IQCM: variants seen among roughly 807,000 people sequenced by gnomAD.
IQCM encodes IQ domain-containing protein M.
IQCM carries 45 observed loss-of-function variants against 57.6 expected under a neutral mutation model. That is an observed-to-expected ratio of 0.78 (90% CI 0.62 to 1.00). The LOEUF (loss-of-function observed/expected upper bound fraction) is 1.00, where lower values mean the gene tolerates loss of function less well. Ranked by LOEUF, IQCM falls within the 50% of genes least tolerant of loss-of-function variation. The probability of loss-of-function intolerance (pLI) is 0.00; values close to 1 mark genes in which losing one functional copy is unlikely to be tolerated. For missense variants in IQCM, 468 were observed against 511.6 expected (o/e 0.91, Z 0.82); for synonymous variants, 148 against 158.9 (o/e 0.93, Z 0.51).
intron 7 of IQCM, among the ~76,000 whole-genome samples, chr4:149,668,286 TA>T (rs1760920123): frequency 6.6e-6 from 1 of 152,052 alleles, no homozygotes; most frequent in South Asian, 2.1e-4. Flanking sequence ...CGTTCTTAAA[TA>T]AAATAATTTT....
At chr4:149,515,071 C>CGTGTGTGT (rs58534209) in intron 12 of IQCM, among the ~76,000 whole-genome samples, 53,681 of 142,620 alleles carry the variant, frequency 0.38, 10,167 homozygotes, top group Non-Finnish European at 0.41. Context: ...TATATATACA[C>CGTGTGTGT]GTGTGTGTGT....
intron 12 of IQCM, among the ~76,000 whole-genome samples, chr4:149,518,320 G>A (rs1298782276): frequency 6.6e-6 from 1 of 152,112 alleles, no homozygotes; most frequent in African/African-American, 2.4e-5. Flanking sequence ...TTACCCTAGT[G>A]CTTACTGGGT....
At chr4:149,471,703 A>G (rs1432603827) in intron 12 of IQCM, among the ~76,000 whole-genome samples, 1 of 152,204 alleles carries the variant, frequency 6.6e-6, no homozygotes, top group Admixed American at 6.5e-5. Flanking sequence ...CCTGATGAAC[A>G]TCAATGCAAA....
At chr4:149,467,320 G>A (rs550711684) in intron 12 of IQCM, among the ~76,000 whole-genome samples, 78 of 152,180 alleles carry the variant, frequency 5.1e-4, no homozygotes, top group Admixed American at 1.7e-3. Context: ...ATTAGAAGAG[G>A]GAGAAAAGGC....
At chr4:149,619,354 A>G (rs2150070144) in intron 8 of IQCM, among the ~76,000 whole-genome samples, 1 of 152,138 alleles carries the variant, frequency 6.6e-6, no homozygotes, top group East Asian at 1.9e-4. Context: ...GGGGTGAGGG[A>G]TGAAATGCTA....
At chr4:149,446,833 C>T (rs1736562623) in intron 12 of IQCM, among the ~76,000 whole-genome samples, 1 of 151,416 alleles carries the variant, frequency 6.6e-6, no homozygotes, top group Non-Finnish European at 1.5e-5. Context: ...CTGAAGATGG[C>T]TTATATTTTA....
At chr4:149,465,741 G>T (rs891058757) in intron 12 of IQCM, among the ~76,000 whole-genome samples, 6 of 148,172 alleles carry the variant, frequency 4.0e-5, no homozygotes, top group East Asian at 2.0e-4. Context: ...AAAAAAAAAA[G>T]TTTTTTTTTT....
At chr4:149,625,461 C>CA (rs975343268) in intron 7 of IQCM, among the ~76,000 whole-genome samples, 1 of 152,160 alleles carries the variant, frequency 6.6e-6, no homozygotes, top group African/African-American at 2.4e-5. Flanking sequence ...GCTTGTTTAT[C>CA]AAAGTTTTGT....
At chr4:149,593,983 G>A (rs1355033529) in intron 8 of IQCM, among the ~76,000 whole-genome samples, 1 of 152,136 alleles carries the variant, frequency 6.6e-6, no homozygotes, top group Admixed American at 6.5e-5. Flanking sequence ...AAATGAGTTA[G>A]GGAGGATTCC....
At chr4:149,746,477 A>G (rs573274721) in intron 2 of IQCM, among the ~76,000 whole-genome samples, 1 of 152,290 alleles carries the variant, frequency 6.6e-6, no homozygotes, top group East Asian at 1.9e-4. Flanking sequence ...TTCTCCACAC[A>G]GCAGGAGTGA....
intron 2 of IQCM, among the ~76,000 whole-genome samples, chr4:149,754,281 A>T (rs1023494684): frequency 1.3e-5 from 2 of 152,164 alleles, no homozygotes; most frequent in Non-Finnish European, 2.9e-5. Context: ...AACTCAGGAC[A>T]ACTCTGAAGG....
intron 7 of IQCM, among the ~76,000 whole-genome samples, chr4:149,629,860 A>T (rs558422274): frequency 1.4e-3 from 220 of 152,240 alleles, no homozygotes; most frequent in African/African-American, 5.1e-3. Flanking sequence ...TAAAGAGAAC[A>T]TTTTGTATTT....
At chr4:149,384,910 GGT>G (rs1484578974) in intron 13 of IQCM, among the ~76,000 whole-genome samples, 1 of 151,860 alleles carries the variant, frequency 6.6e-6, no homozygotes, top group Non-Finnish European at 1.5e-5. Flanking sequence ...CTATTTCTGT[GGT>G]GTGTTTGTAA....
At chr4:149,706,652 T>C (rs563753715) in intron 5 of IQCM, among the ~76,000 whole-genome samples, 1 of 152,032 alleles carries the variant, frequency 6.6e-6, no homozygotes, top group East Asian at 1.9e-4. Context: ...GAACATATAA[T>C]GTGAAGGTAG....
intron 7 of IQCM, among the ~76,000 whole-genome samples, chr4:149,632,467 A>G (rs911854717): frequency 6.6e-6 from 1 of 152,176 alleles, no homozygotes; most frequent in Non-Finnish European, 1.5e-5. Flanking sequence ...ATCCCCTAAA[A>G]AAGATTATTA....
intron 2 of IQCM, among the ~76,000 whole-genome samples, chr4:149,797,420 C>T (rs558228244): frequency 6.6e-6 from 1 of 151,830 alleles, no homozygotes; most frequent in Non-Finnish European, 1.5e-5. Context: ...CCTACAGGAT[C>T]TAGAAAATAG....
chr4:149,457,463 T>C (rs1339692347), intron 12 of IQCM, among the ~76,000 whole-genome samples: 2 of 152,072 alleles, frequency 1.3e-5, no homozygotes, highest in Admixed American at 6.6e-5. Flanking sequence ...GAAGAGACTC[T>C]AGCAAAGGGT....
chr4:149,628,114 C>A (rs1756966612), intron 7 of IQCM, among the ~76,000 whole-genome samples: 1 of 152,120 alleles, frequency 6.6e-6, no homozygotes, highest in Non-Finnish European at 1.5e-5. Flanking sequence ...TTTCAAGTTA[C>A]CAGGTTTTCA....
chr4:149,587,967 G>A lies in IQCM; in HGVS notation c.712C>T (p.Arg238Ter), dbSNP rs139921752. The change falls in exon 9 of 14, where the codon CGA (arginine) becomes TGA (stop). Residue 238 changes from arginine to a stop codon, truncating the protein, a stop_gained. Coordinates refer to ENST00000636793, the MANE Select transcript of IQCM (RefSeq NM_001363507.2). LOFTEE classifies it high-confidence loss of function. ...KTFKTLIKKE[R>*]QPIKPEPKSQ... ...TTTGGTTCTGGCTTGATAGGTTGTC[G>A]CTCCTTTTTAATAAGGGTTTTAAAG... The A allele has an allele frequency of 2.6e-4, 322 of 1,225,420 alleles. 2 individuals are homozygous for A. In the African/African-American group the frequency reaches 4.1e-3, roughly 16 times the overall value. The allele number at this position is 1,225,420 out of a possible 1,614,324, so 75.9% of individuals were successfully genotyped here.
Sources: gnomAD v4.1 joint callset for allele counts (sites outside exome capture counted in the v4.1 genomes callset) on GRCh38, gnomAD v4.1.1 for gene constraint, MANE v1.5 for transcripts, NCBI Gene and HGNC (gene_info 2026-07-23, HGNC 2026-07-21) for gene names.